KATNA1: variants seen among roughly 807,000 people sequenced by gnomAD.
The protein encoded by KATNA1 is katanin catalytic subunit A1, also known as katanin p60 ATPase-containing subunit A1.
In KATNA1, 42 loss-of-function variants were observed where a neutral mutation model predicts 62.6. The observed-to-expected ratio is 0.67, with a 90% CI of 0.52 to 0.87. The LOEUF is 0.87. Ranked by LOEUF, KATNA1 falls within the 40% of genes least tolerant of loss-of-function variation. The pLI is 0.00. For synonymous variants in KATNA1, 186 were observed against 201.9 expected (o/e 0.92, Z 0.67); for missense variants, 498 against 612.5 (o/e 0.81, Z 1.97).
At chr6:149,595,950 G>C (rs1263818491) in intron 10 of KATNA1, among the ~76,000 whole-genome samples, 3 of 152,140 alleles carry the variant, frequency 2.0e-5, no homozygotes, top group African/African-American at 7.2e-5. Flanking sequence ...CTGCTATTCT[G>C]TCACATTTAG....
At chr6:149,637,720 G>A (rs926961617) in intron 2 of KATNA1, among the ~76,000 whole-genome samples, 13 of 152,010 alleles carry the variant, frequency 8.6e-5, no homozygotes, top group African/African-American at 2.7e-4. Context: ...CCAGCTACTC[G>A]GGAGGCTTGA....
chr6:149,632,734 G>A (rs951211059), intron 3 of KATNA1, 25 bp downstream of exon 3: 1 of 1,584,006 alleles, frequency 6.3e-7, no homozygotes, highest in Non-Finnish European at 8.6e-7. Flanking sequence ...TGGGATAACT[G>A]GTTTCTTAAA....
intron 2 of KATNA1, among the ~76,000 whole-genome samples, chr6:149,633,871 G>A (rs1562299206): frequency 6.6e-6 from 1 of 151,918 alleles, no homozygotes; most frequent in Non-Finnish European, 1.5e-5. Context: ...CAGGAGAATC[G>A]CTTGAACCTG....
At position 149,643,849 on chromosome 6, in the gene KATNA1, T is replaced by TA. The variant is rs1385176113; in HGVS notation, c.-14+4619_-14+4620insT. 4.3e-3 allele frequency among the ~76,000 whole-genome samples: 628 copies of TA among 147,226 alleles called. 3 individuals carry two copies. Among genetic ancestry groups the TA allele is most frequent in the Non-Finnish European group, 7.7e-3 (520 of 67,206 alleles). Reference sequence around the variant, plus strand: ...ACACCCAGCTAATATATATATATATTTTTTTTTTGGTATGTTTTGTAGAGA... The same window carrying TA: ...ACACCCAGCTAATATATATATATATTATTTTTTTTGGTATGTTTTGTAGAGA... On this transcript the variant is annotated intron_variant, in intron 1 of 10. Coordinates refer to ENST00000367411, the MANE Select transcript of KATNA1 (RefSeq NM_007044.4).
chr6:149,614,326 C>T (rs1427324957), intron 4 of KATNA1, among the ~76,000 whole-genome samples: 1 of 152,196 alleles, frequency 6.6e-6, no homozygotes, highest in East Asian at 1.9e-4. Context: ...GTTGCAAGCC[C>T]TTCCCCTTCA....
At chr6:149,609,611 T>C (rs1351338127) in intron 4 of KATNA1, among the ~76,000 whole-genome samples, 3 of 151,252 alleles carry the variant, frequency 2.0e-5, no homozygotes, top group Non-Finnish European at 2.9e-5. Flanking sequence ...GAGACCAGCC[T>C]GGCCAACACA....
rs772456492 is a variant in KATNA1 at position 149,632,895 on chromosome 6, C to T, written c.184G>A (p.Glu62Lys). The change falls in exon 3 of 11, where the codon GAA (glutamate) becomes AAA (lysine). Residue 62 changes from glutamate to lysine, a missense_variant. Coordinates refer to ENST00000367411, the MANE Select transcript of KATNA1 (RefSeq NM_007044.4). ...WQQVWQEINVEAKHVKDIMKT... is the reference protein window; with the variant it reads ...WQQVWQEINVKAKHVKDIMKT... ...ATGATATCTTTAACATGTTTAGCTT[C>T]CACATTTATTTCCTGCCAAACCTGA... 1 of 1,606,586 alleles carries T rather than the reference C, an allele frequency of 6.2e-7. No homozygotes were observed. The highest frequency in any genetic ancestry group is 8.5e-7 in the Non-Finnish European group (1 of 1,178,298).
At chr6:149,599,353 G>C (rs1778445914) in intron 7 of KATNA1, among the ~76,000 whole-genome samples, 1 of 152,094 alleles carries the variant, frequency 6.6e-6, no homozygotes, top group African/African-American at 2.4e-5. Context: ...ACTTCAGTCT[G>C]TTGCCACACC....
At chr6:149,647,808 A>G (rs924824134) in intron 1 of KATNA1, among the ~76,000 whole-genome samples, 4 of 152,220 alleles carry the variant, frequency 2.6e-5, no homozygotes, top group African/African-American at 9.6e-5. Context: ...TTAGTAACTA[A>G]TATAAAAGCG....
chr6:149,638,373 C>T lies in KATNA1; in HGVS notation c.162+13G>A. The T allele has an allele frequency of 6.2e-7, 1 of 1,608,488 alleles. No individual in the cohort carries two copies. Among genetic ancestry groups the T allele is most frequent in the Non-Finnish European group, 8.5e-7 (1 of 1,177,652 alleles). On this transcript the variant is annotated intron_variant, in intron 2 of 10. Transcript: ENST00000367411. The stretch of plus-strand genomic sequence containing the variant: ...CTTAAGCCATTAAAACATACAGCAG[C>T]CATTACTCTCACCTGTTGCCATTTC...
At chr6:149,630,542 T>G (rs1160123691) in intron 3 of KATNA1, among the ~76,000 whole-genome samples, 1 of 152,050 alleles carries the variant, frequency 6.6e-6, no homozygotes, top group Non-Finnish European at 1.5e-5. Flanking sequence ...GACAGGAGAA[T>G]TGCTTGAACC....
chr6:149,615,207 ATT>A (rs1240088720), intron 4 of KATNA1, among the ~76,000 whole-genome samples: 4 of 131,952 alleles, frequency 3.0e-5, no homozygotes, highest in Admixed American at 7.7e-5. Flanking sequence ...TTTTGTTTTG[ATT>A]TTTTTTTTTT....
At chr6:149,607,375 G>A (rs547925829) in intron 4 of KATNA1, among the ~76,000 whole-genome samples, 1 of 152,246 alleles carries the variant, frequency 6.6e-6, no homozygotes, top group East Asian at 1.9e-4. Flanking sequence ...TAGCACTTAG[G>A]CTGAGGGGGG....
At chr6:149,627,929 G>T (rs1003366702) in intron 3 of KATNA1, among the ~76,000 whole-genome samples, 2 of 151,970 alleles carry the variant, frequency 1.3e-5, no homozygotes, top group African/African-American at 2.4e-5. Context: ...TCCAGAGGCT[G>T]TGGGGAACCA....
chr6:149,597,789 A>G, intron 8 of KATNA1, 148 bp from the exon 9 acceptor site: 1 of 674,474 alleles, frequency 1.5e-6, no homozygotes, highest in Middle Eastern at 3.9e-4. Flanking sequence ...GTTAACTGGT[A>G]CCTATGTGAA....
In KATNA1 at chr6:149,602,151, G is replaced by A. The variant is rs150228751; in HGVS notation, c.730-399C>T. 5.5e-3 allele frequency among the ~76,000 whole-genome samples: 843 copies of A among 152,196 alleles called. 6 individuals carry two copies. The highest frequency in any genetic ancestry group is 0.019 in the African/African-American group (802 of 41,536). On this transcript the variant is annotated intron_variant, in intron 6 of 10. Transcript: ENST00000367411. ...AGAGGCCGAGGCAGGCAGATCACGA[G>A]GTCAGGAGATTGGGACCATCCTGGC... is the stretch of plus-strand genomic sequence containing the variant.
intron 3 of KATNA1, among the ~76,000 whole-genome samples, chr6:149,626,291 A>ATTTTTTTTTTT (rs1779603710): frequency 1.6e-4 from 12 of 74,346 alleles, no homozygotes; most frequent in East Asian, 9.6e-4. Flanking sequence ...TATAACATTT[A>ATTTTTTTTTTT]CTTTTTTTTT....
At chr6:149,639,888 T>C (rs889345120) in intron 1 of KATNA1, among the ~76,000 whole-genome samples, 2 of 152,246 alleles carry the variant, frequency 1.3e-5, no homozygotes, top group Non-Finnish European at 2.9e-5. Context: ...GGTGTGAGAC[T>C]ATATGATCCT....
rs749402420 is a variant in KATNA1, at chr6:149,632,873, A to G, written c.206T>C (p.Ile69Thr). The change falls in exon 3 of 11, where the codon ATC becomes ACC. Residue 69 changes from isoleucine (I) to threonine (T), a missense_variant. Transcript: ENST00000367411. ...INVEAKHVKD[I>T]MKTLESFKLD... ...TTTAAAGCTCTCTAGTGTTTTCATGATATCTTTAACATGTTTAGCTTCCAC... is the reference window on the plus strand; with the variant it reads ...TTTAAAGCTCTCTAGTGTTTTCATGGTATCTTTAACATGTTTAGCTTCCAC... 1.4e-5 allele frequency: 22 copies of G among 1,612,128 alleles called. No individual in the cohort carries two copies. The highest frequency in any genetic ancestry group is 4.5e-5 in the East Asian group (2 of 44,666).
Sources: gnomAD v4.1 joint callset for allele counts (sites outside exome capture counted in the v4.1 genomes callset) on GRCh38, gnomAD v4.1.1 for gene constraint, MANE v1.5 for transcripts, NCBI Gene and HGNC (gene_info 2026-07-23, HGNC 2026-07-21) for gene names.